The following GYS1 variants were observed in gnomAD, a reference collection of about 807,000 sequenced individuals.
The protein encoded by GYS1 is glycogen synthase 1.
A neutral mutation model predicts 89.1 loss-of-function variants in GYS1; 60 were observed. The observed-to-expected ratio is 0.67, with a 90% CI of 0.55 to 0.84. GYS1 has a LOEUF of 0.84. Ranked by LOEUF, GYS1 falls within the 40% of genes least tolerant of loss-of-function variation. GYS1 has a pLI of 0.00. For synonymous variants in GYS1, 366 were observed against 401.7 expected (o/e 0.91, Z 1.06); for missense variants, 888 against 1,003.1 (o/e 0.89, Z 1.55).
At chr19:48,977,564 G>A (rs2038676040) in intron 10 of GYS1, among the ~76,000 whole-genome samples, 1 of 152,136 alleles carries the variant, frequency 6.6e-6, no homozygotes, top group African/African-American at 2.4e-5. Flanking sequence ...CTGCACTCCA[G>A]CCTGGGCGAC....
intron 5 of GYS1, among the ~76,000 whole-genome samples, chr19:48,984,547 C>G (rs1486957218): frequency 1.3e-5 from 2 of 151,646 alleles, no homozygotes; most frequent in Non-Finnish European, 2.9e-5. Context: ...AGGCACCCAC[C>G]ACCACGCCCG....
At chr19:48,987,461 C>A in intron 2 of GYS1, 76 bp from the exon 3 acceptor site, 1 of 1,173,266 alleles carries the variant, frequency 8.5e-7, no homozygotes, top group African/African-American at 1.5e-5. Context: ...CGTGGTTCTC[C>A]CATTTGCAGG....
intron 3 of GYS1, among the ~76,000 whole-genome samples, chr19:48,986,357 G>T (rs1157081585): frequency 2.6e-5 from 4 of 152,092 alleles, no homozygotes; most frequent in African/African-American, 9.7e-5. Flanking sequence ...CCTGGACATA[G>T]TTTCCAAAGA....
chr19:48,989,997 C>CT (rs1196249535), intron 2 of GYS1, among the ~76,000 whole-genome samples: 1 of 26,152 alleles, frequency 3.8e-5, no homozygotes. Context: ...TGCCCTTTTG[C>CT]TGGGGGGGGG....
intron 14 of GYS1, 23 bp from the exon 15 acceptor site, chr19:48,969,878 G>GCCCC: frequency 9.7e-6 from 15 of 1,551,584 alleles, no homozygotes; most frequent in East Asian, 2.2e-5. Context: ...AGGAGAGGGG[G>GCCCC]CAGAGGATGT....
intron 14 of GYS1, 73 bp downstream of exon 14, chr19:48,970,473 G>A: frequency 7.9e-7 from 1 of 1,266,306 alleles, no homozygotes; most frequent in Non-Finnish European, 1.2e-6. Context: ...ATGAGACCCT[G>A]CACCCTGCAC....
At chr19:48,971,564 T>G (rs562050515) in intron 12 of GYS1, among the ~76,000 whole-genome samples, 18 of 152,022 alleles carry the variant, frequency 1.2e-4, no homozygotes, top group Middle Eastern at 3.4e-3. Context: ...GCTTTTTTTT[T>G]TTTCTTTCGA....
intron 14 of GYS1, chr19:48,970,271 C>A (rs2038540540): frequency 2.1e-6 from 1 of 478,722 alleles, no homozygotes; most frequent in African/African-American, 2.0e-5. Context: ...ACTACAGGCA[C>A]GCACCATCAC....
chr19:48,983,390 T>G (rs116264964), intron 5 of GYS1, among the ~76,000 whole-genome samples: 1 of 152,204 alleles, frequency 6.6e-6, no homozygotes, highest in Non-Finnish European at 1.5e-5. Context: ...CCTCAGCTAC[T>G]GCAAATGGCT....
Position 48,991,450 on chromosome 19 carries a change from G to C in GYS1, c.152C>G (p.Ala51Gly). 1 of 1,614,048 alleles carries C rather than the reference G, an allele frequency of 6.2e-7. No homozygotes were observed. Among genetic ancestry groups the C allele is most frequent in the Non-Finnish European group, 8.5e-7 (1 of 1,180,022 alleles). The stretch of plus-strand genomic sequence containing the variant: ...GCCCCATTCGTCCCCTGTCACCTTC[G>C]CCTTCGTCTGCAGCACCGTGTAGAT... ...GGIYTVLQTK[A>G]KVTGDEWGDN... Residue 51 changes from alanine (A) to glycine (G), a missense_variant, in exon 2 of 16, where the codon GCG becomes GGG. Transcript: ENST00000323798. The surrounding 1 kb of genome is among the most constrained non-coding windows in gnomAD (Gnocchi z 4.7).
At chr19:48,989,891 GC>G (rs2038895778) in intron 2 of GYS1, among the ~76,000 whole-genome samples, 3 of 151,472 alleles carry the variant, frequency 2.0e-5, no homozygotes, top group Admixed American at 2.0e-4. Context: ...TGGGCCTGCT[GC>G]CACAGCAGTG....
chr19:48,982,637 C>T, intron 6 of GYS1, 83 bp downstream of exon 6: 1 of 1,070,654 alleles, frequency 9.3e-7, no homozygotes, highest in South Asian at 1.3e-5. Flanking sequence ...AGTCTGGGCC[C>T]CCAGCTGCCC....
chr19:48,991,148 A>G lies in GYS1; in HGVS notation c.300+154T>C, dbSNP rs566983493. Among the ~76,000 whole-genome samples the G allele has an allele frequency of 7.9e-5, 12 of 152,146 alleles. No homozygotes were observed. The highest frequency in any genetic ancestry group is 2.9e-4 in the African/African-American group (12 of 41,496). The stretch of plus-strand genomic sequence containing the variant: ...CCACCCACCCACTTCCAGGCCCTGC[A>G]TCTGTCTGGGTGTCCTATCACGCCT... On this transcript the variant is annotated intron_variant, in intron 2 of 15. Transcript: ENST00000323798. This position sits in a 1 kb window ranked among gnomAD's most constrained non-coding sequence, Gnocchi z 4.7.
chr19:48,969,519 C>T lies in GYS1; in HGVS notation c.1983G>A (p.Glu661=), dbSNP rs907899262. ...CCTCCAGCGGCCCGTTCCGGGGATC[C>T]TCCTCGTCCTCACTCTGGTGCGGGC... ...HSSPHQSEDE[E]DPRNGPLEED... is the part of the protein sequence containing the mutation. The change falls in exon 16 of 16, where the codon GAG becomes GAA. Residue 661 remains glutamate (E), a synonymous_variant. Coordinates refer to ENST00000323798, the MANE Select transcript of GYS1 (RefSeq NM_002103.5). 2 of 1,543,264 alleles carry T rather than the reference C, an allele frequency of 1.3e-6. No homozygotes were observed. Among genetic ancestry groups the T allele is most frequent in the Non-Finnish European group, 8.7e-7 (1 of 1,146,760 alleles).
rs2038501218 is a variant in GYS1, at chr19:48,968,809, G to T, written c.*479C>A. ...TCAGTTACCTTCAAACTCTGAAAGT[G>T]CCCCGGCTCTGGACTTGATCGCCCC... On this transcript the variant is annotated 3_prime_UTR_variant, in exon 16 of 16. Transcript: ENST00000323798. 1 of 455,862 alleles carries T rather than the reference G, an allele frequency of 2.2e-6. No individual in the cohort carries two copies. The highest frequency in any genetic ancestry group is 2.0e-5 in the African/African-American group (1 of 50,096). 28.2% of individuals were successfully genotyped at this position (455,862 alleles called of 1,614,324 possible). A position where few individuals can be genotyped will look rare whatever the true frequency, so the allele number is the denominator to read the frequency against.
Position 48,985,964 on chromosome 19 carries a change from G to A in GYS1, c.564C>T (p.Leu188=). The change falls in exon 4 of 16, where the codon CTC becomes CTT. Residue 188 remains leucine (L), a synonymous_variant. Coordinates refer to ENST00000323798, the MANE Select transcript of GYS1 (RefSeq NM_002103.5). ...GCAGTCGCCGGGCACGACACAGGCA[G>A]AGTCCAACGCCTGCCAACCACTCAT... ...HFHEWLAGVG[L]CLCRARRLPV... 1 of 1,614,192 alleles carries A rather than the reference G, an allele frequency of 6.2e-7. No homozygotes were observed. Among genetic ancestry groups the A allele is most frequent in the Non-Finnish European group, 8.5e-7 (1 of 1,180,024 alleles).
At chr19:48,970,459 T>C in intron 14 of GYS1, 87 bp downstream of exon 14, 4 of 1,099,902 alleles carry the variant, frequency 3.6e-6, no homozygotes, top group Non-Finnish European at 5.6e-6. Context: ...CTGTTACAAG[T>C]AGGATGAGAC....
chr19:48,975,908 TCTCAAAAAAAAAAAAAAAAAAAAAAAAGA>T (rs1478106099), intron 10 of GYS1, among the ~76,000 whole-genome samples: 1 of 89,640 alleles, frequency 1.1e-5, no homozygotes, highest in Admixed American at 1.6e-4. Flanking sequence ...CGAGACTCCG[TCTCAAAAAAAAAAAAAAAAAAAAAAAAGA>T]AGAAAAAAGA....
chr19:48,989,999 G>GGGT (rs1555800115), intron 2 of GYS1, among the ~76,000 whole-genome samples: 1 of 20,854 alleles, frequency 4.8e-5, no homozygotes, highest in South Asian at 4.1e-3. Context: ...CCCTTTTGCT[G>GGGT]GGGGGGGGGG....
Sources: allele counts gnomAD v4.1 joint callset (sites outside exome capture counted in the v4.1 genomes callset), GRCh38; gene constraint gnomAD v4.1.1; non-coding constraint Gnocchi (gnomAD v3.1); transcripts MANE v1.5; gene names NCBI Gene and HGNC (gene_info 2026-07-23, HGNC 2026-07-21).